CDCA2: variants seen among roughly 807,000 people sequenced by gnomAD.
The protein encoded by CDCA2 is cell division cycle associated 2, also known as cell division cycle-associated protein 2.
CDCA2 carries 44 observed loss-of-function variants against 67.0 expected under a neutral mutation model. That is an observed-to-expected ratio of 0.66 (90% CI 0.52 to 0.84). CDCA2 has a LOEUF of 0.84. CDCA2 is among the 40% of genes least tolerant of loss of function. The pLI is 0.00. For missense variants in CDCA2, 1,253 were observed against 1,203.2 expected, an observed-to-expected ratio of 1.04 and a Z score of -0.61; for synonymous variants, 447 against 418.7, an observed-to-expected ratio of 1.07 and a Z score of -0.82.
At chr8:25,506,112 A>G (rs17053800) in intron 14 of CDCA2, among the ~76,000 whole-genome samples, 51,289 of 152,018 alleles carry the variant, frequency 0.34, 9,294 homozygotes, top group African/African-American at 0.48. Flanking sequence ...CGGAGGATAC[A>G]TTGGTAGAAA....
At chr8:25,462,318 C>G in intron 4 of CDCA2, 110 bp downstream of exon 4, 1 of 1,270,768 alleles carries the variant, frequency 7.9e-7, no homozygotes, top group East Asian at 2.4e-5. Flanking sequence ...GAGATTTTCT[C>G]TGTGTTTTAG....
chr8:25,462,703 C>T lies in CDCA2; in HGVS notation c.387+495C>T, dbSNP rs114824704. On this transcript the variant is annotated intron_variant, in intron 4 of 14. Coordinates refer to ENST00000330560, the MANE Select transcript of CDCA2 (RefSeq NM_152562.4). ...TTCTTTGTTTGCTTTGTTTTAGAGA[C>T]AGGATCTCAGTTGCCCAGGCTGGAA... Among the ~76,000 whole-genome samples the T allele has an allele frequency of 5.3e-3, 742 of 140,912 alleles. 6 individuals carry two copies. The highest frequency in any genetic ancestry group is 0.018 in the African/African-American group (679 of 38,632). The allele number at this position is 140,912 out of a possible 152,430, so 92.4% of individuals were successfully genotyped here.
intron 2 of CDCA2, 40 bp downstream of exon 2, chr8:25,460,340 G>C (rs374084287): frequency 2.1e-5 from 34 of 1,614,046 alleles, no homozygotes; most frequent in African/African-American, 4.0e-5. Context: ...TGAAGGTTTA[G>C]ACAGAGAGTT....
At chr8:25,502,108 G>T (rs537855486) in intron 13 of CDCA2, among the ~76,000 whole-genome samples, 3 of 152,142 alleles carry the variant, frequency 2.0e-5, no homozygotes, top group Admixed American at 6.5e-5. Flanking sequence ...TGTTGGCCAG[G>T]ATGGTCTCGA....
intron 1 of CDCA2, 26 bp from the exon 2 acceptor site, chr8:25,460,214 T>G: frequency 1.2e-6 from 2 of 1,612,892 alleles, no homozygotes; most frequent in Admixed American, 1.7e-5. Context: ...TGGGGTTATT[T>G]TTCATTGTTT....
At chr8:25,467,055 AAAAAAAAAAAACAC>A (rs1444635225) in intron 5 of CDCA2, among the ~76,000 whole-genome samples, 33 of 141,736 alleles carry the variant, frequency 2.3e-4, no homozygotes, top group African/African-American at 8.0e-4. Context: ...AAAAAAAAAA[AAAAAAAAAAAACAC>A]ACACACACAC....
intron 14 of CDCA2, 108 bp downstream of exon 14, chr8:25,503,652 A>G (rs1367105220): frequency 1.8e-6 from 2 of 1,089,754 alleles, no homozygotes; most frequent in Non-Finnish European, 2.6e-6. Flanking sequence ...AAGAGTACGT[A>G]AATTTTAAAA....
intron 13 of CDCA2, among the ~76,000 whole-genome samples, chr8:25,492,306 A>G (rs972699323): frequency 6.6e-6 from 1 of 151,926 alleles, no homozygotes; most frequent in Admixed American, 6.5e-5. Context: ...AAAATGAGGA[A>G]CTAAGCTTAA....
intron 8 of CDCA2, among the ~76,000 whole-genome samples, chr8:25,481,066 A>C (rs545486869): frequency 6.6e-6 from 1 of 152,116 alleles, no homozygotes; most frequent in African/African-American, 2.4e-5. Context: ...ATTACCTTCT[A>C]TTTACATGGA....
rs1287288005 is a variant in CDCA2, at chr8:25,507,732, G to A, written c.3066G>A (p.Lys1022=). The A allele has an allele frequency of 8.1e-6, 13 of 1,608,658 alleles. No homozygotes were observed. Among genetic ancestry groups the A allele is most frequent in the Non-Finnish European group, 7.6e-6 (9 of 1,178,370 alleles). The part of the protein sequence containing the change: ...LERIEHNGER[K]Q ...GGATTGAACATAATGGAGAAAGAAA[G>A]CAGTAATTGACATTTCCTGCAGAGT... The change falls in exon 15 of 15, where the codon AAG becomes AAA. Residue 1022 remains lysine, a synonymous_variant. Transcript: ENST00000330560.
chr8:25,493,335 G>A (rs1261253497), intron 13 of CDCA2, among the ~76,000 whole-genome samples: 1 of 152,142 alleles, frequency 6.6e-6, no homozygotes, highest in Non-Finnish European at 1.5e-5. Flanking sequence ...GAATCCTCAA[G>A]AGTAAATTCC....
At chr8:25,485,885 G>T (rs774174737) in intron 11 of CDCA2, 48 bp downstream of exon 11, 14 of 1,076,476 alleles carry the variant, frequency 1.3e-5, no homozygotes, top group Non-Finnish European at 1.9e-5. Context: ...TTTTATATGT[G>T]TATATGTTGA....
intron 13 of CDCA2, among the ~76,000 whole-genome samples, chr8:25,498,501 T>C (rs11785275): frequency 0.21 from 26,377 of 126,688 alleles, 2,647 homozygotes; most frequent in Middle Eastern, 0.29. Flanking sequence ...ATTACAGATA[T>C]GAGCCTCTAT....
chr8:25,495,858 C>A (rs7840402), intron 13 of CDCA2, among the ~76,000 whole-genome samples: 146,232 of 152,182 alleles, frequency 0.96, 70,499 homozygotes, highest in East Asian at 1. Context: ...GATGTGCACT[C>A]AGAGACAAAA....
chr8:25,467,968 A>T (rs761293046), intron 5 of CDCA2, among the ~76,000 whole-genome samples: 1 of 151,926 alleles, frequency 6.6e-6, no homozygotes, highest in Non-Finnish European at 1.5e-5. Context: ...ATATACGAAG[A>T]TTAGCCAGGC....
chr8:25,495,309 A>G (rs1351724687), intron 13 of CDCA2, among the ~76,000 whole-genome samples: 2 of 152,238 alleles, frequency 1.3e-5, no homozygotes, highest in African/African-American at 2.4e-5. Context: ...AAAGAGAACA[A>G]TCTCTAATAA....
chr8:25,505,810 C>T (rs965104432), intron 14 of CDCA2, among the ~76,000 whole-genome samples: 5 of 152,158 alleles, frequency 3.3e-5, no homozygotes, highest in Admixed American at 1.3e-4. Flanking sequence ...AAAGCCTGAA[C>T]TCATGTGGGC....
At position 25,487,264 on chromosome 8, in the gene CDCA2, C is replaced by T; in HGVS notation, c.1463C>T (p.Ser488Phe). 6.2e-7 allele frequency: 1 copy of T among 1,611,224 alleles called. No individual in the cohort carries two copies. Among genetic ancestry groups the T allele is most frequent in the African/African-American group, 1.3e-5 (1 of 74,932 alleles). ...TTATCAGGCACTGATACCTTTAGTT[C>T]TTCAAATAACCATGAGAAAATATCC... Reference protein sequence around the residue: ...ETLSGTDTFSSSNNHEKISSP... With the variant: ...ETLSGTDTFSFSNNHEKISSP... Residue 488 changes from serine (S) to phenylalanine (F), a missense_variant, in exon 12 of 15, where the codon TCT becomes TTT. By Grantham distance (155) the Ser-to-Phe change is radical. Transcript: ENST00000330560.
At chr8:25,480,419 TATTG>T (rs1055100691) in intron 8 of CDCA2, among the ~76,000 whole-genome samples, 1 of 152,162 alleles carries the variant, frequency 6.6e-6, no homozygotes, top group Non-Finnish European at 1.5e-5. Context: ...AATTATATGT[TATTG>T]ATTCATTTTA....
Sources: gnomAD v4.1 joint callset for allele counts (sites outside exome capture counted in the v4.1 genomes callset) on GRCh38, gnomAD v4.1.1 for gene constraint, MANE v1.5 for transcripts, NCBI Gene and HGNC (gene_info 2026-07-23, HGNC 2026-07-21) for gene names.